LIMS1: variants seen among roughly 807,000 people sequenced by gnomAD.
LIMS1 encodes the protein LIM zinc finger domain containing 1.
In LIMS1, 18 loss-of-function variants were observed where a neutral mutation model predicts 44.1. That is an observed-to-expected ratio of 0.41 (90% CI 0.28 to 0.61). LIMS1 has a LOEUF of 0.61. Ranked by LOEUF, LIMS1 falls within the 20% of genes least tolerant of loss-of-function variation. LIMS1 has a pLI of 0.32. For missense variants in LIMS1, 201 were observed against 422.0 expected (o/e 0.48, Z 4.59); for synonymous variants, 93 against 149.1 (o/e 0.62, Z 2.74).
chr2:108,597,463 A>G (rs1686767446), intron 1 of LIMS1, among the ~76,000 whole-genome samples: 1 of 152,160 alleles, frequency 6.6e-6, no homozygotes, highest in Non-Finnish European at 1.5e-5. Context: ...TGAATAAGCA[A>G]CAAATACACT....
At chr2:108,643,604 C>T (rs894408709) in intron 1 of LIMS1, among the ~76,000 whole-genome samples, 27 of 151,992 alleles carry the variant, frequency 1.8e-4, no homozygotes, top group Non-Finnish European at 3.7e-4. Flanking sequence ...TTTTTCATAC[C>T]CCAGTGGTAG....
At chr2:108,586,612 C>T (rs1174736928) in intron 1 of LIMS1, among the ~76,000 whole-genome samples, 1 of 152,172 alleles carries the variant, frequency 6.6e-6, no homozygotes, top group African/African-American at 2.4e-5. Context: ...TGATGGGACC[C>T]ATCCATGAGT....
At chr2:108,631,399 T>G (rs1460031004) in intron 1 of LIMS1, among the ~76,000 whole-genome samples, 1 of 152,170 alleles carries the variant, frequency 6.6e-6, no homozygotes, top group Non-Finnish European at 1.5e-5. Flanking sequence ...CTTTGCTAGT[T>G]GAATATGATC....
intron 6 of LIMS1, 35 bp downstream of exon 6, chr2:108,676,063 T>C: frequency 1.9e-6 from 3 of 1,583,840 alleles, no homozygotes; most frequent in Non-Finnish European, 2.6e-6. Context: ...ACCAATCCTT[T>C]CAAATCTCCA....
chr2:108,551,923 GTATA>G (rs201610301), intron 1 of LIMS1, among the ~76,000 whole-genome samples: 2 of 132,968 alleles, frequency 1.5e-5, no homozygotes, highest in African/African-American at 5.6e-5. Flanking sequence ...GTGTATATGT[GTATA>G]TATGTGTGTG....
chr2:108,666,085 G>T (rs962180696), intron 2 of LIMS1, among the ~76,000 whole-genome samples: 2 of 151,730 alleles, frequency 1.3e-5, no homozygotes, highest in African/African-American at 4.8e-5. Context: ...CCAGCTGGGC[G>T]TTCTCCAATT....
chr2:108,578,993 C>A (rs1207272328), intron 1 of LIMS1, among the ~76,000 whole-genome samples: 1 of 152,106 alleles, frequency 6.6e-6, no homozygotes, highest in East Asian at 1.9e-4. Context: ...TCTTAAATTT[C>A]AGGTTAGCAT....
intron 2 of LIMS1, among the ~76,000 whole-genome samples, chr2:108,667,545 A>T (rs1476839429): frequency 2.7e-4 from 19 of 70,442 alleles, no homozygotes; most frequent in African/African-American, 5.1e-4. Context: ...TTTTAAAAAA[A>T]AAAAAAATAT....
At position 108,534,610 on chromosome 2, in the gene LIMS1, C is replaced by T. The variant is rs1684051267; in HGVS notation, c.32+16C>T. Reference sequence around the variant, plus strand: ...TGACCCACAGGTACGGGCCGCACCGCGCGGCCCCCGCCACGTCCGCCCCGC... The same window carrying T: ...TGACCCACAGGTACGGGCCGCACCGTGCGGCCCCCGCCACGTCCGCCCCGC... On this transcript the variant is annotated intron_variant, in intron 1 of 9. Transcript: ENST00000544547. 8.9e-7 allele frequency: 1 copy of T among 1,123,340 alleles called. No individual in the cohort carries two copies. The highest frequency in any genetic ancestry group is 1.1e-6 in the Non-Finnish European group (1 of 913,570). 69.6% of individuals were successfully genotyped at this position (1,123,340 alleles called of 1,614,324 possible). A position where few individuals can be genotyped will look rare whatever the true frequency, so the allele number is the denominator to read the frequency against.
rs1320595136 is a variant in LIMS1 at position 108,678,047 on chromosome 2, T to G, written c.823+20T>G. On this transcript the variant is annotated intron_variant, in intron 8 of 9. Transcript: ENST00000544547. Reference sequence around the variant, plus strand: ...GTGATGGTAAGTATCTGTGTGAGTTTTAGATTGGTGCCACTTTGACACAAA... The same window carrying G: ...GTGATGGTAAGTATCTGTGTGAGTTGTAGATTGGTGCCACTTTGACACAAA... The G allele has an allele frequency of 6.2e-7, 1 of 1,606,650 alleles. No homozygotes were observed. The highest frequency in any genetic ancestry group is 8.5e-7 in the Non-Finnish European group (1 of 1,178,838).
intron 1 of LIMS1, among the ~76,000 whole-genome samples, chr2:108,586,580 C>T (rs533583801): frequency 1.3e-5 from 2 of 152,280 alleles, no homozygotes; most frequent in East Asian, 1.9e-4. Context: ...ATGCGAGTGG[C>T]GCATGGCTTC....
chr2:108,549,017 T>C (rs977505439), intron 1 of LIMS1, among the ~76,000 whole-genome samples: 5 of 152,198 alleles, frequency 3.3e-5, no homozygotes, highest in Non-Finnish European at 5.9e-5. Context: ...ATAGCACTTT[T>C]CTACAAAAAG....
At chr2:108,670,273 C>T (rs1445972443) in intron 2 of LIMS1, among the ~76,000 whole-genome samples, 1 of 151,980 alleles carries the variant, frequency 6.6e-6, no homozygotes, top group Non-Finnish European at 1.5e-5. Context: ...TTGCTTTGGG[C>T]CAGGAGTCCA....
intron 8 of LIMS1, 131 bp from the exon 9 acceptor site, chr2:108,680,564 A>AAAAG: frequency 3.1e-6 from 1 of 325,612 alleles, no homozygotes; most frequent in African/African-American, 2.8e-5. Flanking sequence ...AAAAAAAAAA[A>AAAAG]GGTTCTTGAG....
At chr2:108,609,089 A>G (rs1687442192) in intron 1 of LIMS1, among the ~76,000 whole-genome samples, 2 of 152,300 alleles carry the variant, frequency 1.3e-5, no homozygotes, top group African/African-American at 4.8e-5. Context: ...AGGTGGGGTT[A>G]TCTCCCAAGA....
rs543505240 is a variant in LIMS1, at chr2:108,580,265, G to GA, written c.32+45671_32+45672insA. On this transcript the variant is annotated intron_variant, in intron 1 of 9. Transcript: ENST00000544547. ...GACTTCCTCTAACTGCAGGGTGTTA[G>GA]TCTCTACTCAGATTTCTAGTCTTTG... Among the ~76,000 whole-genome samples, 329 of 152,320 alleles carry GA rather than the reference G, an allele frequency of 2.2e-3. 10 individuals are homozygous for GA. The South Asian group carries it at 0.065, about 30-fold the overall frequency.
intron 1 of LIMS1, among the ~76,000 whole-genome samples, chr2:108,642,343 T>TTTTTTTTG (rs1689736304): frequency 7.6e-5 from 1 of 13,186 alleles, no homozygotes; most frequent in African/African-American, 2.6e-4. Context: ...GTGTTTTTTG[T>TTTTTTTTG]TTTTTTTTTT....
At chr2:108,684,230 CTG>C (rs1316496065) in exon 10 of LIMS1, 1 of 227,100 alleles carries the variant, frequency 4.4e-6, no homozygotes, top group African/African-American at 2.3e-5. Context: ...GACATGTAGA[CTG>C]TTTACAAAAA....
chr2:108,666,347 A>G (rs2148985184), intron 2 of LIMS1, among the ~76,000 whole-genome samples: 1 of 143,242 alleles, frequency 7.0e-6, no homozygotes, highest in South Asian at 2.3e-4. Context: ...AGACAAAGTC[A>G]AGCTCTGTCA....
Sources: allele counts gnomAD v4.1 joint callset (sites outside exome capture counted in the v4.1 genomes callset), GRCh38; gene constraint gnomAD v4.1.1; transcripts MANE v1.5; gene names NCBI Gene and HGNC (gene_info 2026-07-23, HGNC 2026-07-21).